TINAG: variants seen among roughly 807,000 people sequenced by gnomAD.
TINAG encodes tubulointerstitial nephritis antigen.
A neutral mutation model predicts 72.7 loss-of-function variants in TINAG; 83 were observed. The observed-to-expected ratio is 1.14, with a 90% CI of 0.96 to 1.37. The LOEUF is 1.37. TINAG is among the 40% of genes most tolerant of loss of function. The pLI is 0.00. For missense variants in TINAG, 685 were observed against 576.6 expected (o/e 1.19, Z -1.93); for synonymous variants, 234 against 189.9 (o/e 1.23, Z -1.91).
At chr6:54,310,879 TTC>T (rs1172375122) in intron 1 of TINAG, among the ~76,000 whole-genome samples, 1 of 109,606 alleles carries the variant, frequency 9.1e-6, no homozygotes, top group Non-Finnish European at 1.9e-5. Context: ...CTTTCTTTTT[TTC>T]TCTCTCTATT....
intron 9 of TINAG, among the ~76,000 whole-genome samples, chr6:54,364,701 A>G (rs1422766848): frequency 1.3e-5 from 2 of 151,452 alleles, no homozygotes; most frequent in Non-Finnish European, 3.0e-5. Flanking sequence ...ATTAAAAGCC[A>G]TAGTTTTCTA....
rs114327729 is a variant in TINAG at position 54,314,256 on chromosome 6, C to T, written c.355+5351C>T. Among the ~76,000 whole-genome samples, 329 of 152,254 alleles carry T rather than the reference C, an allele frequency of 2.2e-3. 2 individuals are homozygous for T. Among genetic ancestry groups the T allele is most frequent in the African/African-American group, 7.6e-3 (315 of 41,550 alleles). On this transcript the variant is annotated intron_variant, in intron 1 of 10. Transcript: ENST00000259782. ...CCTGGATTCACTTTGTCATTAGCCA[C>T]GAGGCTCCATGCAGCCTTCTGCTTC...
At position 54,320,599 on chromosome 6, in the gene TINAG, C is replaced by T. The variant is rs747044793; in HGVS notation, c.376C>T (p.His126Tyr). The T allele has an allele frequency of 2.5e-6, 4 of 1,606,660 alleles. No individual in the cohort carries two copies. The South Asian group carries it at 3.4e-5, about 13-fold the overall frequency. The stretch of plus-strand genomic sequence containing the variant: ...GACAGGTTGCTTCAAAGATGGTCAA[C>T]ATTATGAAGAGGGATCAGTAATTAA... ...YPEGCFKDGQ[H>Y]YEEGSVIKEN... Residue 126 changes from histidine (H) to tyrosine (Y), a missense_variant, in exon 2 of 11, where the codon CAT becomes TAT. Physicochemically the swap from His to Tyr is moderately conservative, Grantham distance 83 (BLOSUM62 2). Transcript: ENST00000259782.
rs531848584 is a variant in TINAG, at chr6:54,386,290, A to G, written c.1297-3501A>G. Reference sequence around the variant, plus strand: ...ATCACAGATTTAGCAGATTGAAACAACATACATTTATTATCGCAGTGTTTC... The same window carrying G: ...ATCACAGATTTAGCAGATTGAAACAGCATACATTTATTATCGCAGTGTTTC... On this transcript the variant is annotated intron_variant, in intron 10 of 10. Coordinates refer to ENST00000259782, the MANE Select transcript of TINAG (RefSeq NM_014464.4). Among the ~76,000 whole-genome samples the G allele has an allele frequency of 5.3e-5, 8 of 152,298 alleles. No individual in the cohort carries two copies. The South Asian group carries it at 1.7e-3, about 32-fold the overall frequency.
chr6:54,384,673 A>G (rs1045534844), intron 10 of TINAG, among the ~76,000 whole-genome samples: 6 of 152,188 alleles, frequency 3.9e-5, no homozygotes, highest in Non-Finnish European at 5.9e-5. Flanking sequence ...AAATTAAAGC[A>G]CGTTTGGACA....
intron 3 of TINAG, among the ~76,000 whole-genome samples, chr6:54,323,787 C>T (rs1004446913): frequency 1.2e-4 from 18 of 152,094 alleles, no homozygotes; most frequent in African/African-American, 4.1e-4. Context: ...AACCCCATCT[C>T]TACCAGAAAT....
At chr6:54,380,239 A>C in intron 9 of TINAG, among the ~76,000 whole-genome samples, 1 of 146,076 alleles carries the variant, frequency 6.8e-6, no homozygotes, top group East Asian at 2.0e-4. Flanking sequence ...TCCTTTTAAA[A>C]ACTTTGTACC....
At chr6:54,380,400 AT>A (rs1246954329) in intron 9 of TINAG, 125 bp from the exon 10 acceptor site, 18 of 674,532 alleles carry the variant, frequency 2.7e-5, no homozygotes, top group Admixed American at 9.0e-5. Context: ...TGATATTTCC[AT>A]TGTGAAACAG....
chr6:54,389,852 G>T lies in TINAG; in HGVS notation c.1358G>T (p.Gly453Val), dbSNP rs770793048. 6.2e-6 allele frequency: 10 copies of T among 1,610,060 alleles called. No individual in the cohort carries two copies. The highest frequency in any genetic ancestry group is 1.7e-5 in the Admixed American group (1 of 59,304). ...GENGYFRILR[G>V]VNESDIEKLI... ...AATGGCTATTTCAGGATTCTTCGAG[G>T]AGTAAATGAGTCCGACATTGAAAAG... Residue 453 changes from glycine to valine, a missense_variant, in exon 11 of 11, where the codon GGA (glycine) becomes GTA (valine). By Grantham distance (109) the Gly-to-Val change is moderately radical. Transcript: ENST00000259782.
intron 4 of TINAG, among the ~76,000 whole-genome samples, chr6:54,328,792 C>T (rs1313865218): frequency 6.6e-6 from 1 of 151,610 alleles, no homozygotes; most frequent in African/African-American, 2.4e-5. Flanking sequence ...CCTGATGGAG[C>T]TGAAAAAACA....
intron 9 of TINAG, among the ~76,000 whole-genome samples, chr6:54,358,188 C>A (rs1763114387): frequency 6.6e-6 from 1 of 151,806 alleles, no homozygotes; most frequent in Admixed American, 6.6e-5. Context: ...TCCCTGGCTG[C>A]CCTATATAAT....
At chr6:54,354,734 G>C in intron 9 of TINAG, 98 bp downstream of exon 9, 1 of 1,284,386 alleles carries the variant, frequency 7.8e-7, no homozygotes, top group Non-Finnish European at 1.1e-6. Flanking sequence ...CTTTGTAGGA[G>C]AGATTGTGAT....
At chr6:54,345,365 G>A (rs569417760) in intron 5 of TINAG, among the ~76,000 whole-genome samples, 75 of 152,216 alleles carry the variant, frequency 4.9e-4, no homozygotes, top group African/African-American at 1.7e-3. Flanking sequence ...ACAGATTTGT[G>A]AGGCTGGAAG....
intron 3 of TINAG, among the ~76,000 whole-genome samples, chr6:54,322,755 T>A (rs547604267): frequency 6.6e-6 from 1 of 152,342 alleles, no homozygotes; most frequent in Non-Finnish European, 1.5e-5. Context: ...GTGTTTGTGT[T>A]AAACCAATAT....
chr6:54,326,983 A>G (rs1784619442), intron 4 of TINAG, 67 bp downstream of exon 4: 1 of 1,598,088 alleles, frequency 6.3e-7, no homozygotes, highest in Admixed American at 1.7e-5. Flanking sequence ...GTGCATTAAA[A>G]GCAATTATAA....
At chr6:54,350,470 A>G (rs919871199) in intron 7 of TINAG, among the ~76,000 whole-genome samples, 3 of 151,596 alleles carry the variant, frequency 2.0e-5, no homozygotes, top group Non-Finnish European at 4.4e-5. Flanking sequence ...GCCTTTCATG[A>G]GTTGGTTTTG....
intron 9 of TINAG, among the ~76,000 whole-genome samples, chr6:54,360,399 C>T (rs995955462): frequency 2.0e-5 from 3 of 151,550 alleles, no homozygotes; most frequent in Non-Finnish European, 3.0e-5. Flanking sequence ...GAAACTCCAT[C>T]GATTATGGTA....
At chr6:54,368,313 T>G (rs1056777390) in intron 9 of TINAG, among the ~76,000 whole-genome samples, 4 of 147,754 alleles carry the variant, frequency 2.7e-5, no homozygotes, top group Non-Finnish European at 4.5e-5. Flanking sequence ...ATTAAAGTAA[T>G]TATTAAGTAA....
intron 9 of TINAG, among the ~76,000 whole-genome samples, chr6:54,374,056 C>T (rs1763709615): frequency 6.6e-6 from 1 of 152,064 alleles, no homozygotes; most frequent in Non-Finnish European, 1.5e-5. Flanking sequence ...GTCATTCTGA[C>T]CAGAGTATGA....
Sources: allele counts gnomAD v4.1 joint callset (sites outside exome capture counted in the v4.1 genomes callset), GRCh38; gene constraint gnomAD v4.1.1; transcripts MANE v1.5; gene names NCBI Gene and HGNC (gene_info 2026-07-23, HGNC 2026-07-21).